Variants in CDK13 observed in about 807,000 individuals in gnomAD.
The protein encoded by CDK13 is cyclin dependent kinase 13.
Under a neutral mutation model 137.6 loss-of-function variants are expected in CDK13, and 40 were observed. That is an observed-to-expected ratio of 0.29 (90% CI 0.23 to 0.38). CDK13 has a LOEUF of 0.38. CDK13 is among the 10% of genes least tolerant of loss of function. CDK13 has a pLI of 1.00. For missense variants in CDK13, 1,704 were observed against 1,951.8 expected (o/e 0.87, Z 2.39); for synonymous variants, 869 against 760.1 (o/e 1.14, Z -2.36).
intron 2 of CDK13, among the ~76,000 whole-genome samples, chr7:39,996,503 G>A (rs1054200379): frequency 2.0e-5 from 3 of 152,144 alleles, no homozygotes; most frequent in African/African-American, 7.2e-5. Context: ...AATTTCAGCT[G>A]TAATTCTAGA....
rs377247573 is a variant in CDK13 at position 40,088,111 on chromosome 7, C to CTT, written c.3030-5_3030-4dup. On this transcript the variant is annotated splice_polypyrimidine_tract_variant and intron_variant, in intron 11 of 13. Coordinates refer to ENST00000181839, the MANE Select transcript of CDK13 (RefSeq NM_003718.5). ...AGAAATGCCATTTACAATTTAATTC[C>CTT]TTTTTTTTTTTCAGTCTCCCTTTAT... The CTT allele has an allele frequency of 4.3e-5, 57 of 1,328,804 alleles. No individual in the cohort carries two copies. Among genetic ancestry groups the CTT allele is most frequent in the Non-Finnish European group, 5.0e-5 (49 of 973,098 alleles). 82.3% of individuals were successfully genotyped at this position (1,328,804 alleles called of 1,614,324 possible).
In CDK13 at chr7:40,096,225, A is replaced by T. The variant is rs1387855981; in HGVS notation, c.*1245A>T. Reference sequence around the variant, plus strand: ...TTAACTAGAAACATTGCTTAGATTGAATTTATTGAAGCAAAAAGAAAAGGC... The same window carrying T: ...TTAACTAGAAACATTGCTTAGATTGTATTTATTGAAGCAAAAAGAAAAGGC... On this transcript the variant is annotated 3_prime_UTR_variant, in exon 14 of 14. Transcript: ENST00000181839. 2.0e-5 allele frequency: 3 copies of T among 152,200 alleles called. No individual in the cohort carries two copies. Among genetic ancestry groups the T allele is most frequent in the Admixed American group, 1.3e-4 (2 of 15,266 alleles). 9.4% of individuals were successfully genotyped at this position (152,200 alleles called of 1,614,324 possible). A position where few individuals can be genotyped will look rare whatever the true frequency, so the allele number is the denominator to read the frequency against.
intron 5 of CDK13, among the ~76,000 whole-genome samples, chr7:40,009,539 C>T (rs1308556986): frequency 1.3e-5 from 2 of 152,206 alleles, no homozygotes; most frequent in Non-Finnish European, 2.9e-5. Context: ...GTCAGTGGGT[C>T]ATAGATACTA....
chr7:40,050,618 C>T (rs1250226941), intron 7 of CDK13, among the ~76,000 whole-genome samples: 5 of 152,206 alleles, frequency 3.3e-5, no homozygotes, highest in Non-Finnish European at 7.3e-5. Flanking sequence ...GTCTCGAACT[C>T]GTGACCACAA....
chr7:40,002,274 T>C (rs1784699336), intron 5 of CDK13: 1 of 273,058 alleles, frequency 3.7e-6, no homozygotes, highest in Admixed American at 5.1e-5. Context: ...ATATATGTTT[T>C]ATTGGGCATC....
intron 12 of CDK13, among the ~76,000 whole-genome samples, chr7:40,089,741 T>C (rs200344494): frequency 3.1e-5 from 4 of 130,746 alleles, no homozygotes; most frequent in African/African-American, 1.0e-4. Flanking sequence ...TGTGTGTGTG[T>C]GTGTGTGTGT....
intron 12 of CDK13, among the ~76,000 whole-genome samples, chr7:40,089,750 G>GTGTGTA (rs1786879051): frequency 6.8e-6 from 1 of 147,460 alleles, no homozygotes; most frequent in South Asian, 2.3e-4. Context: ...GTGTGTGTGT[G>GTGTGTA]TGTGTAGGTG....
chr7:40,034,778 A>G (rs1352009515), intron 5 of CDK13, among the ~76,000 whole-genome samples: 2 of 152,192 alleles, frequency 1.3e-5, no homozygotes, highest in Admixed American at 1.3e-4. Flanking sequence ...TTTGGCTATT[A>G]CTGGATGTTG....
At chr7:40,023,086 T>C (rs758633116) in intron 5 of CDK13, among the ~76,000 whole-genome samples, 1 of 151,354 alleles carries the variant, frequency 6.6e-6, no homozygotes, top group Non-Finnish European at 1.5e-5. Flanking sequence ...GTACAACTTA[T>C]ACTTAACTTT....
At chr7:40,055,495 A>G (rs1785996760) in intron 7 of CDK13, among the ~76,000 whole-genome samples, 1 of 152,118 alleles carries the variant, frequency 6.6e-6, no homozygotes, top group Admixed American at 6.6e-5. Context: ...GATCTAAACA[A>G]GATCATCTCT....
chr7:40,073,304 C>T (rs1028268517), intron 9 of CDK13, among the ~76,000 whole-genome samples: 1 of 152,150 alleles, frequency 6.6e-6, no homozygotes, highest in Non-Finnish European at 1.5e-5. Flanking sequence ...ACTGCTAAAA[C>T]TGGTAGGAAC....
chr7:39,955,974 G>A (rs1304853339), intron 1 of CDK13, among the ~76,000 whole-genome samples: 2 of 151,770 alleles, frequency 1.3e-5, no homozygotes, highest in South Asian at 2.1e-4. Context: ...GAAAAAGATG[G>A]GTGGACTCTA....
intron 1 of CDK13, among the ~76,000 whole-genome samples, chr7:39,961,509 T>C (rs1393160798): frequency 6.6e-6 from 1 of 152,120 alleles, no homozygotes; most frequent in Non-Finnish European, 1.5e-5. Context: ...TATACACTCC[T>C]CTCCCCTAGA....
chr7:40,013,771 C>T (rs1259216545), intron 5 of CDK13, among the ~76,000 whole-genome samples: 1 of 152,010 alleles, frequency 6.6e-6, no homozygotes, highest in Non-Finnish European at 1.5e-5. Context: ...TGAATTATAT[C>T]TCAATAAAGC....
chr7:39,961,817 T>C (rs1387050289), intron 1 of CDK13, among the ~76,000 whole-genome samples: 2 of 152,032 alleles, frequency 1.3e-5, no homozygotes, highest in African/African-American at 4.8e-5. Context: ...CCCCAGAGTG[T>C]GATGTTCCCC....
At chr7:40,052,248 C>T (rs1202071583) in intron 7 of CDK13, among the ~76,000 whole-genome samples, 1 of 150,866 alleles carries the variant, frequency 6.6e-6, no homozygotes, top group Admixed American at 6.6e-5. Context: ...GTGATCTCGG[C>T]TCACTGCAAC....
chr7:40,014,390 T>G (rs1028575719), intron 5 of CDK13, among the ~76,000 whole-genome samples: 19 of 151,736 alleles, frequency 1.3e-4, no homozygotes, highest in African/African-American at 4.3e-4. Context: ...TAATACACAT[T>G]TTTTAATTTC....
At chr7:40,033,347 A>G (rs550970196) in intron 5 of CDK13, among the ~76,000 whole-genome samples, 23 of 152,258 alleles carry the variant, frequency 1.5e-4, no homozygotes, top group Admixed American at 1.2e-3. Context: ...TAGGAATATT[A>G]ATTAGAGCTT....
intron 5 of CDK13, among the ~76,000 whole-genome samples, chr7:40,024,101 G>A (rs1297645281): frequency 2.0e-5 from 3 of 152,120 alleles, no homozygotes; most frequent in African/African-American, 7.2e-5. Context: ...TTATCTCAGA[G>A]GAAGTAATAT....
Sources: allele counts gnomAD v4.1 joint callset (sites outside exome capture counted in the v4.1 genomes callset), GRCh38; gene constraint gnomAD v4.1.1; transcripts MANE v1.5; gene names NCBI Gene and HGNC (gene_info 2026-07-23, HGNC 2026-07-21).